HADH: variants seen among roughly 807,000 people sequenced by gnomAD.
HADH encodes hydroxyacyl-coenzyme A dehydrogenase, mitochondrial.
HADH carries 24 observed loss-of-function variants against 32.2 expected under a neutral mutation model. The observed-to-expected ratio is 0.75, with a 90% CI of 0.54 to 1.05. The LOEUF is 1.05. Ranked by LOEUF, HADH falls within the 50% of genes least tolerant of loss-of-function variation. The probability of loss-of-function intolerance (pLI) is 0.00; values close to 1 mark genes in which losing one functional copy is unlikely to be tolerated. For missense variants in HADH, 350 were observed against 397.1 expected (o/e 0.88, Z 1.01); for synonymous variants, 139 against 152.5 (o/e 0.91, Z 0.65).
chr4:108,023,613 C>G (rs775985906), intron 5 of HADH, 50 bp downstream of exon 5: 6 of 1,013,970 alleles, frequency 5.9e-6, no homozygotes, highest in Non-Finnish European at 9.5e-6. Context: ...CTTCTTGGAC[C>G]CTGACTTGTT....
At chr4:108,005,478 A>C (rs947696882) in intron 1 of HADH, 1 of 154,610 alleles carries the variant, frequency 6.5e-6, no homozygotes, top group African/African-American at 2.4e-5. Context: ...AATGGTCAGT[A>C]CAGTATTTAT....
intron 1 of HADH, among the ~76,000 whole-genome samples, chr4:108,003,788 A>G (rs1048141090): frequency 4.1e-5 from 6 of 147,698 alleles, no homozygotes; most frequent in African/African-American, 1.5e-4. Context: ...CCTTGCAGAA[A>G]GAAGAAGGGG....
intron 7 of HADH, among the ~76,000 whole-genome samples, chr4:108,033,828 T>C (rs1162564412): frequency 6.6e-6 from 1 of 152,252 alleles, no homozygotes; most frequent in African/African-American, 2.4e-5. Context: ...GAATTAAATT[T>C]TGAATCTTAT....
At chr4:107,998,102 T>C (rs557546875) in intron 1 of HADH, among the ~76,000 whole-genome samples, 1 of 152,272 alleles carries the variant, frequency 6.6e-6, no homozygotes, top group African/African-American at 2.4e-5. Flanking sequence ...GTCTAGGTTC[T>C]CAGTGTACAA....
At chr4:108,009,736 A>C in intron 1 of HADH, 23 bp from the exon 2 acceptor site, 3 of 1,612,452 alleles carry the variant, frequency 1.9e-6, no homozygotes, top group Non-Finnish European at 1.7e-6. Context: ...TTTTAAAAAG[A>C]AATTGTTCTT....
chr4:108,027,852 G>A, intron 6 of HADH, 92 bp downstream of exon 6: 1 of 791,482 alleles, frequency 1.3e-6, no homozygotes, highest in Non-Finnish European at 2.3e-6. Context: ...GTCGGGCCGT[G>A]CACAATGGAG....
At chr4:108,012,560 A>G (rs1354851792) in intron 2 of HADH, among the ~76,000 whole-genome samples, 1 of 152,194 alleles carries the variant, frequency 6.6e-6, no homozygotes, top group African/African-American at 2.4e-5. Context: ...TTGATTGGCT[A>G]GCAACTTAGA....
intron 1 of HADH, among the ~76,000 whole-genome samples, chr4:107,992,785 G>A (rs17038296): frequency 0.13 from 19,947 of 152,174 alleles, 2,146 homozygotes; most frequent in African/African-American, 0.3. Flanking sequence ...TGTCTGGCAT[G>A]TAATAAGAGT....
At chr4:108,015,975 A>C (rs1735679910) in intron 3 of HADH, among the ~76,000 whole-genome samples, 1 of 152,074 alleles carries the variant, frequency 6.6e-6, no homozygotes, top group Non-Finnish European at 1.5e-5. Flanking sequence ...GGATGGAGCA[A>C]ACAGAATGGT....
At chr4:108,010,431 C>T (rs901836472) in intron 2 of HADH, among the ~76,000 whole-genome samples, 2 of 151,860 alleles carry the variant, frequency 1.3e-5, no homozygotes, top group Non-Finnish European at 2.9e-5. Flanking sequence ...TGTTTTTCAG[C>T]GCACTTTCAC....
At chr4:108,032,467 A>G in intron 6 of HADH, 1 of 716,482 alleles carries the variant, frequency 1.4e-6, no homozygotes, top group Non-Finnish European at 2.6e-6. Flanking sequence ...AAGAATACAT[A>G]CAATAACTAT....
At chr4:108,010,700 ACT>A (rs1222664749) in intron 2 of HADH, among the ~76,000 whole-genome samples, 11 of 152,146 alleles carry the variant, frequency 7.2e-5, no homozygotes, top group Non-Finnish European at 1.5e-4. Context: ...GCCATTTTAA[ACT>A]ATACAATTCA....
chr4:108,007,295 G>T (rs1735322939), intron 1 of HADH, among the ~76,000 whole-genome samples: 1 of 152,098 alleles, frequency 6.6e-6, no homozygotes, highest in African/African-American at 2.4e-5. Flanking sequence ...TTTTAATAGA[G>T]ATGGGGTTTC....
intron 5 of HADH, chr4:108,025,283 G>A (rs1056255515): frequency 6.6e-6 from 1 of 152,192 alleles, no homozygotes; most frequent in Non-Finnish European, 1.5e-5. Context: ...GAGACTTCAT[G>A]AGGGGATTGT....
At chr4:107,997,424 G>A (rs140980173) in intron 1 of HADH, among the ~76,000 whole-genome samples, 3 of 152,258 alleles carry the variant, frequency 2.0e-5, no homozygotes, top group African/African-American at 7.2e-5. Context: ...GGAGAAAGCT[G>A]CTTCAAATCT....
chr4:107,996,846 A>G (rs1042541198), intron 1 of HADH, among the ~76,000 whole-genome samples: 2 of 151,826 alleles, frequency 1.3e-5, no homozygotes, highest in African/African-American at 4.8e-5. Context: ...GTGAGCCAAG[A>G]TCACACCACT....
intron 2 of HADH, among the ~76,000 whole-genome samples, chr4:108,011,057 C>G (rs1735475660): frequency 6.6e-6 from 1 of 152,042 alleles, no homozygotes; most frequent in Non-Finnish European, 1.5e-5. Flanking sequence ...CCATGTTGGC[C>G]AGGATGGTTT....
At chr4:108,033,391 A>C in intron 7 of HADH, 99 bp downstream of exon 7, 1 of 763,088 alleles carries the variant, frequency 1.3e-6, no homozygotes, top group East Asian at 2.5e-5. Context: ...GTCTTAATAA[A>C]GACCTTCCAA....
chr4:108,034,459 A>G lies in HADH; in HGVS notation c.*102A>G, dbSNP rs1431020363. 3 of 777,876 alleles carry G rather than the reference A, an allele frequency of 3.9e-6. No homozygotes were observed. Among genetic ancestry groups the G allele is most frequent in the African/African-American group, 1.7e-5 (1 of 59,078 alleles). The allele number at this position is 777,876 out of a possible 1,614,324, so 48.2% of individuals were successfully genotyped here. A position where few individuals can be genotyped will look rare whatever the true frequency, so the allele number is the denominator to read the frequency against. On this transcript the variant is annotated 3_prime_UTR_variant, in exon 8 of 8. Transcript: ENST00000309522. ...TCTTTGGTCAGACATTCCCTCACAC[A>G]GTACAGTTTAATAAATGTGCATTTT...
Sources: gnomAD v4.1 joint callset for allele counts (sites outside exome capture counted in the v4.1 genomes callset) on GRCh38, gnomAD v4.1.1 for gene constraint, MANE v1.5 for transcripts, NCBI Gene and HGNC (gene_info 2026-07-23, HGNC 2026-07-21) for gene names.